Variants in CCDC196 observed in about 807,000 individuals in gnomAD.
CCDC196 encodes the protein coiled-coil domain-containing protein 196.
At chr14:66,490,473 GA>G (rs1395725631) in intron 4 of CCDC196, among the ~76,000 whole-genome samples, 1 of 152,158 alleles carries the variant, frequency 6.6e-6, no homozygotes, top group African/African-American at 2.4e-5. Context: ...GTACAGTAAG[GA>G]AAATAAGCAG....
At chr14:66,491,594 C>T (rs1036727439) in intron 6 of CCDC196, 32 bp from the exon 7 acceptor site, 7 of 413,596 alleles carry the variant, frequency 1.7e-5, no homozygotes, top group African/African-American at 1.4e-4. Flanking sequence ...TCTCAATTTA[C>T]TTTGTCACCC....
At chr14:66,490,014 A>C (rs1264955851) in intron 4 of CCDC196, among the ~76,000 whole-genome samples, 2 of 151,704 alleles carry the variant, frequency 1.3e-5, no homozygotes, top group Non-Finnish European at 2.9e-5. Flanking sequence ...TTTTTTTTTC[A>C]TCTGACTTTT....
chr14:66,497,330 A>C (rs1235269737), intron 8 of CCDC196, among the ~76,000 whole-genome samples: 1 of 152,146 alleles, frequency 6.6e-6, no homozygotes, highest in East Asian at 1.9e-4. Context: ...CCTAAATATA[A>C]ATTTTGAAGC....
At position 66,490,748 on chromosome 14, in the gene CCDC196, G is replaced by C. The variant is rs866116538; in HGVS notation, c.358G>C (p.Glu120Gln). The change falls in exon 5 of 10, where the codon GAG becomes CAG. Residue 120 changes from glutamate (E) to glutamine (Q), a missense_variant. Coordinates refer to ENST00000636229, the MANE Select transcript of CCDC196 (RefSeq NM_001351576.1). ...EMEMLWNKTF[E>Q]AEELSDQQKA... Reference sequence around the variant, plus strand: ...CCAAAATGTCTTTCCACAGACATTCGAGGCAGAAGAACTTAGTGATCAACA... The same window carrying C: ...CCAAAATGTCTTTCCACAGACATTCCAGGCAGAAGAACTTAGTGATCAACA... 4 of 399,226 alleles carry C rather than the reference G, an allele frequency of 1.0e-5. No homozygotes were observed. The highest frequency in any genetic ancestry group is 1.8e-5 in the Non-Finnish European group (4 of 226,118). The allele number at this position is 399,226 out of a possible 1,614,324, so 24.7% of individuals were successfully genotyped here. A position where few individuals can be genotyped will look rare whatever the true frequency, so the allele number is the denominator to read the frequency against.
chr14:66,490,865 C>CA, intron 5 of CCDC196, 46 bp downstream of exon 5: 1 of 404,940 alleles, frequency 2.5e-6, no homozygotes, highest in Non-Finnish European at 4.4e-6. Context: ...GTCGATGTCA[C>CA]ACAGCTGGAA....
intron 3 of CCDC196, among the ~76,000 whole-genome samples, chr14:66,488,770 T>A (rs2057467151): frequency 6.6e-6 from 1 of 152,152 alleles, no homozygotes; most frequent in South Asian, 2.1e-4. Context: ...TTAAAGTTAT[T>A]ACTTAAAACA....
At chr14:66,491,726 A>C (rs1425831717) in intron 7 of CCDC196, 41 bp downstream of exon 7, 1 of 413,536 alleles carries the variant, frequency 2.4e-6, no homozygotes, top group East Asian at 3.6e-5. Context: ...ATGCAATTTC[A>C]TTCATATAAT....
intron 8 of CCDC196, chr14:66,496,657 C>G (rs2057674199): frequency 8.6e-6 from 2 of 232,878 alleles, no homozygotes; most frequent in Non-Finnish European, 1.7e-5. Context: ...AGTCACCTAT[C>G]TTAGAGAGCA....
chr14:66,486,421 C>G lies in CCDC196; in HGVS notation c.-82C>G, dbSNP rs1417677117. The G allele has an allele frequency of 2.5e-6, 1 of 398,740 alleles. No homozygotes were observed. The highest frequency in any genetic ancestry group is 4.4e-6 in the Non-Finnish European group (1 of 225,756). 24.7% of individuals were successfully genotyped at this position (398,740 alleles called of 1,614,324 possible). The stretch of plus-strand genomic sequence containing the variant: ...AGCAGGAGTTTCAAGAACAGCAGCA[C>G]AAAAATAATGACTTAACTGGATAGA... On this transcript the variant is annotated 5_prime_UTR_variant, in exon 1 of 10. Transcript: ENST00000636229.
chr14:66,496,366 A>T (rs1435540594), intron 8 of CCDC196: 1 of 456,166 alleles, frequency 2.2e-6, no homozygotes, highest in Admixed American at 2.3e-5. Context: ...ATCCTGTGTT[A>T]ATATTACTGA....
intron 3 of CCDC196, among the ~76,000 whole-genome samples, 197 bp from the exon 4 acceptor site, chr14:66,488,790 T>C (rs991331474): frequency 1.3e-5 from 2 of 148,920 alleles, no homozygotes; most frequent in African/African-American, 4.9e-5. Flanking sequence ...AATAACTTGG[T>C]TTTTTTTTTA....
intron 8 of CCDC196, chr14:66,496,159 C>A: frequency 2.4e-6 from 1 of 410,902 alleles, no homozygotes. Context: ...TTGCACAAAC[C>A]TGTCTTAGAG....
chr14:66,487,668 G>A (rs2057438979), intron 2 of CCDC196, among the ~76,000 whole-genome samples: 1 of 152,058 alleles, frequency 6.6e-6, no homozygotes, highest in Non-Finnish European at 1.5e-5. Context: ...GCATTCTCTG[G>A]GGCTATGAAA....
At chr14:66,490,952 TG>T in intron 5 of CCDC196, 68 bp from the exon 6 acceptor site, 1 of 413,274 alleles carries the variant, frequency 2.4e-6, no homozygotes, top group Non-Finnish European at 4.4e-6. Context: ...ATTAGATTTA[TG>T]GCCTGCTGAG....
chr14:66,495,025 C>CAA (rs879892685), intron 8 of CCDC196, among the ~76,000 whole-genome samples: 1 of 87,856 alleles, frequency 1.1e-5, no homozygotes, highest in Admixed American at 1.3e-4. Context: ...GACTTCGTAT[C>CAA]AAAAAAAAAA....
chr14:66,498,548 A>T lies in CCDC196; in HGVS notation c.*76A>T. 2.4e-6 allele frequency: 1 copy of T among 408,804 alleles called. No individual in the cohort carries two copies. Among genetic ancestry groups the T allele is most frequent in the Admixed American group, 4.4e-5 (1 of 22,706 alleles). 25.3% of individuals were successfully genotyped at this position (408,804 alleles called of 1,614,324 possible). Reference sequence around the variant, plus strand: ...ATTTGTGTTAATTAAAATCTCTCGCACCTTTGTTTTAGTGCTGTTTTCCCT... The same window carrying T: ...ATTTGTGTTAATTAAAATCTCTCGCTCCTTTGTTTTAGTGCTGTTTTCCCT... On this transcript the variant is annotated 3_prime_UTR_variant, in exon 10 of 10. Coordinates refer to ENST00000636229, the MANE Select transcript of CCDC196 (RefSeq NM_001351576.1).
At chr14:66,496,683 C>G (rs139333955) in intron 8 of CCDC196, 147 of 173,068 alleles carry the variant, frequency 8.5e-4, no homozygotes, top group African/African-American at 3.3e-3. Flanking sequence ...GCTAAGCAAT[C>G]TCTAAATTCA....
chr14:66,495,339 T>A (rs900336753), intron 8 of CCDC196, among the ~76,000 whole-genome samples: 4 of 152,172 alleles, frequency 2.6e-5, no homozygotes, highest in Admixed American at 2.0e-4. Flanking sequence ...TTTCAGGTTT[T>A]AAAAATACAA....
chr14:66,492,008 G>A (rs2139596350), intron 7 of CCDC196, 45 bp from the exon 8 acceptor site: 1 of 412,382 alleles, frequency 2.4e-6, no homozygotes, highest in South Asian at 1.3e-4. Context: ...TGGATTCAGA[G>A]AAGCCAATCC....
Sources: gnomAD v4.1 joint callset for allele counts (sites outside exome capture counted in the v4.1 genomes callset) on GRCh38, gnomAD v4.1.1 for gene constraint, MANE v1.5 for transcripts, NCBI Gene and HGNC (gene_info 2026-07-23, HGNC 2026-07-21) for gene names.